Variants in AHNAK observed in about 807,000 individuals in gnomAD.
The protein encoded by AHNAK is AHNAK nucleoprotein.
In AHNAK, 23 loss-of-function variants were observed where a neutral mutation model predicts 37.8. The observed-to-expected ratio is 0.61, with a 90% CI of 0.44 to 0.86. AHNAK has a LOEUF of 0.86. AHNAK is among the 40% of genes least tolerant of loss of function. AHNAK has a pLI of 0.00. For missense variants in AHNAK, 7,411 were observed against 7,319.4 expected, an observed-to-expected ratio of 1.01 and a Z score of -0.46; for synonymous variants, 2,481 against 2,636.3, an observed-to-expected ratio of 0.94 and a Z score of 1.80.
In AHNAK at chr11:62,522,840, G is replaced by C; in HGVS notation, c.11577C>G (p.Pro3859=). 6.2e-7 allele frequency: 1 copy of C among 1,612,294 alleles called. No individual in the cohort carries two copies. Residue 3859 remains proline, a synonymous_variant, in exon 5 of 5, where the codon CCC becomes CCG. Transcript: ENST00000378024. ...TGTTCATCTCAGGCATCTTGAATTTGGGACCTTTCAACTTTCCCTCTGGGC... is the reference window on the plus strand; with the variant it reads ...TGTTCATCTCAGGCATCTTGAATTTCGGACCTTTCAACTTTCCCTCTGGGC... ...IEGPEGKLKG[P]KFKMPEMNIK...
At position 62,533,511 on chromosome 11, in the gene AHNAK, G is replaced by T. The variant is rs1940837377; in HGVS notation, c.906C>A (p.Gly302=). ...CTTTCATGGTGGGAAATTTAATTTT[G>T]CCATGATCACCACTCTCCAGAGATG... ...QGPSLESGDH[G]KIKFPTMKVP... Residue 302 remains glycine, a synonymous_variant, in exon 5 of 5, where the codon GGC becomes GGA. Coordinates refer to ENST00000378024, the MANE Select transcript of AHNAK (RefSeq NM_001620.3). 6.2e-7 allele frequency: 1 copy of T among 1,613,948 alleles called. No homozygotes were observed. Among genetic ancestry groups the T allele is most frequent in the South Asian group, 1.1e-5 (1 of 91,082 alleles).
intron 1 of AHNAK, among the ~76,000 whole-genome samples, chr11:62,543,415 C>T (rs1737662744): frequency 1.3e-5 from 2 of 152,180 alleles, no homozygotes; most frequent in Admixed American, 1.3e-4. Flanking sequence ...GTGGGATACT[C>T]TCTCACAGGC....
intron 1 of AHNAK, among the ~76,000 whole-genome samples, chr11:62,543,105 A>G (rs1017138032): frequency 5.3e-5 from 8 of 152,054 alleles, no homozygotes; most frequent in African/African-American, 1.9e-4. Flanking sequence ...GGGACCGGGC[A>G]GGATGCCCCT....
Position 62,533,030 on chromosome 11 carries a change from G to A in AHNAK, c.1387C>T (p.Pro463Ser), listed in dbSNP as rs200763732. 1.2e-4 allele frequency: 188 copies of A among 1,613,866 alleles called. No homozygotes were observed. The African/African-American group carries it at 2.2e-3, about 19-fold the overall frequency. ...VTLPTGEVTV[P>S]GVSGDVSLPE... Reference sequence around the variant, plus strand: ...AGGCTGACATCCCCAGAGACCCCAGGAACAGTCACTTCACCTGTAGGCAGT... The same window carrying A: ...AGGCTGACATCCCCAGAGACCCCAGAAACAGTCACTTCACCTGTAGGCAGT... The change falls in exon 5 of 5, where the codon CCT becomes TCT. Residue 463 changes from proline (P) to serine (S), a missense_variant. Transcript: ENST00000378024.
chr11:62,463,778 T>C (rs1938843310), intron 5 of AHNAK, among the ~76,000 whole-genome samples: 1 of 152,028 alleles, frequency 6.6e-6, no homozygotes. Flanking sequence ...TTTTGTTTTT[T>C]TGGGAGACAG....
chr11:62,455,866 C>CA (rs528335539), intron 5 of AHNAK, among the ~76,000 whole-genome samples: 1,771 of 134,398 alleles, frequency 0.013, 20 homozygotes, highest in African/African-American at 0.036. Context: ...TCCATCCCCC[C>CA]AAAAAAAAAA....
chr11:62,535,333 C>A, intron 3 of AHNAK, 143 bp from the exon 4 acceptor site: 1 of 756,550 alleles, frequency 1.3e-6, no homozygotes, highest in Non-Finnish European at 2.1e-6. Flanking sequence ...TGTACAGACA[C>A]GGAAACTGAG....
At chr11:62,497,374 G>A (rs1331346675) in intron 4 of AHNAK, among the ~76,000 whole-genome samples, 1 of 152,110 alleles carries the variant, frequency 6.6e-6, no homozygotes, top group Non-Finnish European at 1.5e-5. Flanking sequence ...AGAAAACAGA[G>A]GATAAGGAAG....
At position 62,518,176 on chromosome 11, in the gene AHNAK, G is replaced by A. The variant is rs926188261; in HGVS notation, c.16241C>T (p.Ser5414Phe). ...PKMKLPQFGI[S>F]TPGSDLHVNA... ...GACGTGCAAGTCGGACCCCGGAGTA[G>A]AGATGCCAAATTGGGGCAGCTTCAT... Residue 5414 changes from serine (S) to phenylalanine (F), a missense_variant, in exon 5 of 5, where the codon TCT becomes TTT. Coordinates refer to ENST00000378024, the MANE Select transcript of AHNAK (RefSeq NM_001620.3). The A allele has an allele frequency of 1.2e-6, 2 of 1,614,190 alleles. No individual in the cohort carries two copies. The highest frequency in any genetic ancestry group is 8.5e-7 in the Non-Finnish European group (1 of 1,180,034).
chr11:62,485,895 C>T (rs930700106), intron 5 of AHNAK, among the ~76,000 whole-genome samples: 1 of 150,590 alleles, frequency 6.6e-6, no homozygotes, highest in Non-Finnish European at 1.5e-5. Flanking sequence ...GTGACATATA[C>T]CTGTAGTCCC....
chr11:62,470,044 C>A (rs1938999155), intron 5 of AHNAK, among the ~76,000 whole-genome samples: 1 of 152,204 alleles, frequency 6.6e-6, no homozygotes. Context: ...AGTGCTCACG[C>A]CCGTAATCCC....
At position 62,467,934 on chromosome 11, in the gene AHNAK, C is replaced by G. The variant is rs143178954; in HGVS notation, c.442+23798G>C. Among the ~76,000 whole-genome samples the G allele has an allele frequency of 6.6e-3, 1,004 of 152,252 alleles. 16 individuals carry two copies. Among genetic ancestry groups the G allele is most frequent in the African/African-American group, 0.022 (933 of 41,542 alleles). On this transcript the variant is annotated intron_variant, in intron 5 of 5. Coordinates refer to the AHNAK transcript ENST00000257247. ...TCAGCTCACAAAGTACTTCCTGAAG[C>G]CTTATCTCAGGTCAGACACAGTGCC...
At chr11:62,459,222 A>G (rs779308067) in intron 5 of AHNAK, among the ~76,000 whole-genome samples, 1 of 152,188 alleles carries the variant, frequency 6.6e-6, no homozygotes, top group African/African-American at 2.4e-5. Flanking sequence ...GACATGGGTG[A>G]TATTTTGAGA....
intron 4 of AHNAK, among the ~76,000 whole-genome samples, chr11:62,508,481 C>A (rs12281651): frequency 0.032 from 4,818 of 152,292 alleles, 101 homozygotes; most frequent in Middle Eastern, 0.078. Flanking sequence ...ACTAGAACGC[C>A]CTGTCCAAAG....
chr11:62,478,868 T>A (rs112795908), intron 5 of AHNAK, among the ~76,000 whole-genome samples: 49 of 151,710 alleles, frequency 3.2e-4, no homozygotes, highest in African/African-American at 1.1e-3. Context: ...GTTTCACTAA[T>A]TTTTTTTGTT....
At position 62,526,175 on chromosome 11, in the gene AHNAK, C is replaced by G. The variant is rs917497297; in HGVS notation, c.8242G>C (p.Val2748Leu). Residue 2748 changes from valine to leucine, a missense_variant, in exon 5 of 5, where the codon GTG (valine) becomes CTG (leucine). Physicochemically the swap from Val to Leu is conservative, Grantham distance 32. Coordinates refer to ENST00000378024, the MANE Select transcript of AHNAK (RefSeq NM_001620.3). ...TCAACATCAGGTGCGTCAATGTCCA[C>G]TTTTGGGCCCTTGATGTCAACTTCT... Reference protein sequence around the residue: ...GPEVDIKGPKVDIDAPDVDVH... With the variant: ...GPEVDIKGPKLDIDAPDVDVH... The G allele has an allele frequency of 1.9e-6, 3 of 1,613,576 alleles. No individual in the cohort carries two copies. The highest frequency in any genetic ancestry group is 2.7e-5 in the African/African-American group (2 of 74,712).
chr11:62,489,418 A>G (rs1348140075), intron 5 of AHNAK, among the ~76,000 whole-genome samples: 1 of 152,134 alleles, frequency 6.6e-6, no homozygotes, highest in Non-Finnish European at 1.5e-5. Flanking sequence ...GAGAGCCATG[A>G]GCAGCCACTG....
chr11:62,528,160 A>G lies in AHNAK; in HGVS notation c.6257T>C (p.Val2086Ala), dbSNP rs148170531. The G allele has an allele frequency of 5.3e-5, 86 of 1,613,502 alleles. No homozygotes were observed. The African/African-American group carries it at 1.1e-3, about 21-fold the overall frequency. The change falls in exon 5 of 5, where the codon GTT becomes GCT. Residue 2086 changes from valine to alanine, a missense_variant. Transcript: ENST00000378024. ...DVVVSGPKVD[V>A]EVPDVSLEGP... is the part of the protein sequence containing the mutation. ...TTCAAGGCTCACATCTGGGACTTCAACATCCACCTTGGGTCCTGAGACAAC... is the reference window on the plus strand; with the variant it reads ...TTCAAGGCTCACATCTGGGACTTCAGCATCCACCTTGGGTCCTGAGACAAC...
rs145998268 is a variant in AHNAK, at chr11:62,523,835, C to T, written c.10582G>A (p.Gly3528Ser). 2.4e-5 allele frequency: 38 copies of T among 1,614,146 alleles called. No individual in the cohort carries two copies. The African/African-American group carries it at 3.9e-4, about 16-fold the overall frequency. Reference sequence around the variant, plus strand: ...ATGTCAGGCATCTTGAATTTGGGACCTTTCAAGCCTCCCTCCGGACCTTCC... The same window carrying T: ...ATGTCAGGCATCTTGAATTTGGGACTTTTCAAGCCTCCCTCCGGACCTTCC... ...NVEGPEGGLK[G>S]PKFKMPDMNI... Residue 3528 changes from glycine to serine, a missense_variant, in exon 5 of 5, where the codon GGT (glycine) becomes AGT (serine). By Grantham distance (56) the Gly-to-Ser change is moderately conservative. Coordinates refer to ENST00000378024, the MANE Select transcript of AHNAK (RefSeq NM_001620.3).
Sources: gnomAD v4.1 joint callset for allele counts (sites outside exome capture counted in the v4.1 genomes callset) on GRCh38, gnomAD v4.1.1 for gene constraint, MANE v1.5 for transcripts, NCBI Gene and HGNC (gene_info 2026-07-23, HGNC 2026-07-21) for gene names.